Variants in ROBO1 observed in about 807,000 individuals in gnomAD.
ROBO1 encodes roundabout guidance receptor 1, also known as roundabout homolog 1.
A neutral mutation model predicts 195.9 loss-of-function variants in ROBO1; 149 were observed. The ratio of observed to expected loss-of-function variants is 0.76; its 90% CI spans 0.67 to 0.87. The LOEUF (loss-of-function observed/expected upper bound fraction) is 0.87, where lower values mean the gene tolerates loss of function less well. Ranked by LOEUF, ROBO1 falls within the 40% of genes least tolerant of loss-of-function variation. ROBO1 has a pLI of 0.00. For missense variants in ROBO1, 1,933 were observed against 2,068.3 expected, an observed-to-expected ratio of 0.93 and a Z score of 1.27; for synonymous variants, 816 against 733.2, an observed-to-expected ratio of 1.11 and a Z score of -1.82.
intron 8 of ROBO1, among the ~76,000 whole-genome samples, chr3:78,690,757 T>C (rs1001867020): frequency 1.3e-5 from 2 of 152,112 alleles, no homozygotes; most frequent in Non-Finnish European, 2.9e-5. Flanking sequence ...CTTTCCAATA[T>C]GCAGGGAATT....
chr3:79,003,189 T>C (rs755869782), intron 3 of ROBO1, among the ~76,000 whole-genome samples: 1 of 152,296 alleles, frequency 6.6e-6, no homozygotes, highest in South Asian at 2.1e-4. Context: ...GGCCATCACA[T>C]TGACATGGCA....
intron 2 of ROBO1, among the ~76,000 whole-genome samples, chr3:79,546,115 AATGT>A (rs1942254627): frequency 6.6e-6 from 1 of 152,070 alleles, no homozygotes; most frequent in Admixed American, 6.6e-5. Context: ...TCTTAATAGT[AATGT>A]ATGTATAATA....
chr3:79,314,455 A>G (rs575501981), intron 2 of ROBO1, among the ~76,000 whole-genome samples: 44 of 152,228 alleles, frequency 2.9e-4, no homozygotes, highest in African/African-American at 1.1e-3. Context: ...TCTGCTCAGC[A>G]CTTCTCTTTG....
At chr3:79,511,546 G>A (rs1035302691) in intron 2 of ROBO1, among the ~76,000 whole-genome samples, 6 of 152,030 alleles carry the variant, frequency 3.9e-5, no homozygotes, top group East Asian at 1.9e-4. Flanking sequence ...AGCTCAACAG[G>A]TTGGCCATAG....
chr3:79,453,904 T>C (rs1487334632), intron 2 of ROBO1, among the ~76,000 whole-genome samples: 3 of 152,156 alleles, frequency 2.0e-5, no homozygotes, highest in East Asian at 3.9e-4. Context: ...CAATGAAAGA[T>C]TGATTTTGCA....
chr3:78,598,861 G>A lies in ROBO1; in HGVS notation c.*52C>T. The stretch of plus-strand genomic sequence containing the variant: ...GGCGTCATGTGTCATCTGACAGGAG[G>A]CATCTTGAGTGATGATTTTCACATT... On this transcript the variant is annotated 3_prime_UTR_variant, in exon 31 of 31. Coordinates refer to ENST00000464233, the MANE Select transcript of ROBO1 (RefSeq NM_002941.4). 7.7e-7 allele frequency: 1 copy of A among 1,306,414 alleles called. No homozygotes were observed. Among genetic ancestry groups the A allele is most frequent in the Non-Finnish European group, 1.1e-6 (1 of 934,422 alleles). The allele number at this position is 1,306,414 out of a possible 1,614,324, so 80.9% of individuals were successfully genotyped here.
intron 4 of ROBO1, among the ~76,000 whole-genome samples, chr3:78,770,750 A>G (rs905896140): frequency 3.3e-5 from 5 of 152,114 alleles, no homozygotes; most frequent in Admixed American, 1.3e-4. Flanking sequence ...TAGTATTCTT[A>G]TACTTTGAGA....
chr3:79,327,007 T>A (rs2034240416), intron 2 of ROBO1, among the ~76,000 whole-genome samples: 1 of 152,134 alleles, frequency 6.6e-6, no homozygotes, highest in Non-Finnish European at 1.5e-5. Context: ...TAATCCTCAG[T>A]AAAAAGGTAC....
At chr3:79,733,738 T>C (rs966850474) in intron 1 of ROBO1, among the ~76,000 whole-genome samples, 10 of 152,200 alleles carry the variant, frequency 6.6e-5, no homozygotes, top group African/African-American at 2.4e-4. Flanking sequence ...ATATTCTCTG[T>C]ACTTACTCTA....
At chr3:79,090,959 T>C (rs1340453291) in intron 3 of ROBO1, among the ~76,000 whole-genome samples, 1 of 152,194 alleles carries the variant, frequency 6.6e-6, no homozygotes, top group Non-Finnish European at 1.5e-5. Flanking sequence ...AGAATAATCA[T>C]AGTTTTAATA....
intron 2 of ROBO1, among the ~76,000 whole-genome samples, chr3:79,261,164 A>T (rs990143542): frequency 1.3e-5 from 2 of 152,092 alleles, no homozygotes; most frequent in Non-Finnish European, 2.9e-5. Context: ...CAAGGAACAT[A>T]GTATTTTTTT....
At chr3:78,867,850 T>C (rs942351060) in intron 4 of ROBO1, among the ~76,000 whole-genome samples, 4 of 152,110 alleles carry the variant, frequency 2.6e-5, no homozygotes, top group African/African-American at 9.7e-5. Context: ...AGAAGACTTT[T>C]CTGCCATCTC....
Position 79,757,121 on chromosome 3 carries a change from A to T in ROBO1, c.-51+10631T>A, listed in dbSNP as rs1704449528. ...CTATTGTGAATAAGGATGTACAAACATTGCTGTACAAATACTTTGTTTGAG... is the reference window on the plus strand; with the variant it reads ...CTATTGTGAATAAGGATGTACAAACTTTGCTGTACAAATACTTTGTTTGAG... On this transcript the variant is annotated intron_variant, in intron 1 of 30. Coordinates refer to ENST00000464233, the MANE Select transcript of ROBO1 (RefSeq NM_002941.4). 2.0e-5 allele frequency among the ~76,000 whole-genome samples: 3 copies of T among 152,316 alleles called. No individual in the cohort carries two copies. In the South Asian group the frequency reaches 6.2e-4, roughly 32 times the overall value.
intron 1 of ROBO1, among the ~76,000 whole-genome samples, chr3:79,618,761 G>T (rs753349632): frequency 3.9e-5 from 6 of 152,236 alleles, no homozygotes; most frequent in South Asian, 2.1e-4. Context: ...ATCCACCTAC[G>T]ACCTCGGGTC....
intron 3 of ROBO1, among the ~76,000 whole-genome samples, chr3:79,066,887 C>T (rs1248879777): frequency 6.6e-6 from 1 of 151,792 alleles, no homozygotes; most frequent in African/African-American, 2.4e-5. Flanking sequence ...AGCTTTACTC[C>T]AAAGTTGGAT....
At position 79,405,595 on chromosome 3, in the gene ROBO1, A is replaced by G. The variant is rs146451433; in HGVS notation, c.88+184229T>C. On this transcript the variant is annotated intron_variant, in intron 2 of 30. Transcript: ENST00000464233. ...TTTTATTTTACTTCATCATGAATCT[A>G]TTGATTTTTGGTATTGACCCCATTA... 9.9e-3 allele frequency among the ~76,000 whole-genome samples: 1,504 copies of G among 152,242 alleles called. 17 individuals are homozygous for G. The highest frequency in any genetic ancestry group is 0.013 in the Non-Finnish European group (889 of 68,016).
At chr3:79,137,434 T>C (rs2108602457) in intron 2 of ROBO1, among the ~76,000 whole-genome samples, 1 of 152,140 alleles carries the variant, frequency 6.6e-6, no homozygotes, top group African/African-American at 2.4e-5. Flanking sequence ...GTTACTGTTT[T>C]TTTTCTCATT....
chr3:78,904,406 GT>G (rs1410552105), intron 4 of ROBO1, among the ~76,000 whole-genome samples: 1 of 152,024 alleles, frequency 6.6e-6, no homozygotes, highest in African/African-American at 2.4e-5. Context: ...ACATCAGACA[GT>G]TTCTTACACT....
intron 1 of ROBO1, among the ~76,000 whole-genome samples, chr3:79,639,285 G>C (rs1379134823): frequency 2.0e-5 from 3 of 152,084 alleles, no homozygotes; most frequent in Non-Finnish European, 4.4e-5. Flanking sequence ...TTTCATATGA[G>C]ACATGCATTT....
Sources: allele counts gnomAD v4.1 joint callset (sites outside exome capture counted in the v4.1 genomes callset), GRCh38; gene constraint gnomAD v4.1.1; transcripts MANE v1.5; gene names NCBI Gene and HGNC (gene_info 2026-07-23, HGNC 2026-07-21).